The following CSGALNACT1 variants were observed in gnomAD, a reference collection of about 807,000 sequenced individuals.
CSGALNACT1 encodes the protein beta4GalNAcT-1.
CSGALNACT1 carries 52 observed loss-of-function variants against 51.0 expected under a neutral mutation model. The ratio of observed to expected loss-of-function variants is 1.02; its 90% confidence interval spans 0.82 to 1.29. The LOEUF (loss-of-function observed/expected upper bound fraction) is 1.29. CSGALNACT1 is among the 50% of genes most tolerant of loss of function. The probability of loss-of-function intolerance (pLI) is 0.00; values close to 1 mark genes in which losing one functional copy is unlikely to be tolerated. For missense variants in CSGALNACT1, 935 were observed against 679.2 expected, an observed-to-expected ratio of 1.38 and a Z score of -4.19; for synonymous variants, 341 against 254.4, an observed-to-expected ratio of 1.34 and a Z score of -3.24.
chr8:19,621,643 T>C (rs959168802), intron 1 of CSGALNACT1, among the ~76,000 whole-genome samples: 1 of 151,966 alleles, frequency 6.6e-6, no homozygotes, highest in Non-Finnish European at 1.5e-5. Context: ...TAGCCAGGTG[T>C]GGTGGCAAGC....
chr8:19,607,155 A>C (rs1231461994), upstream of CSGALNACT1, among the ~76,000 whole-genome samples: 2 of 109,118 alleles, frequency 1.8e-5, no homozygotes, highest in Non-Finnish European at 3.8e-5. Context: ...ACTCCGTCTC[A>C]AAAAAAAAAA....
At chr8:19,611,466 C>G (rs2052250244) in intron 1 of CSGALNACT1, among the ~76,000 whole-genome samples, 1 of 152,168 alleles carries the variant, frequency 6.6e-6, no homozygotes, top group South Asian at 2.1e-4. Flanking sequence ...ATGGATTATC[C>G]TATTTAATTC....
intron 1 of CSGALNACT1, among the ~76,000 whole-genome samples, chr8:19,659,143 A>G (rs568092555): frequency 9.2e-5 from 14 of 152,154 alleles, no homozygotes; most frequent in African/African-American, 3.1e-4. Flanking sequence ...AGTTTGATGT[A>G]CCATTAGAGG....
chr8:19,485,102 A>G (rs1034067266), intron 4 of CSGALNACT1, among the ~76,000 whole-genome samples: 1 of 152,164 alleles, frequency 6.6e-6, no homozygotes, highest in South Asian at 2.1e-4. Context: ...GTCATATAAT[A>G]CAACCAATGA....
intron 4 of CSGALNACT1, among the ~76,000 whole-genome samples, chr8:19,497,300 G>A (rs1307659681): frequency 2.6e-5 from 4 of 152,162 alleles, no homozygotes; most frequent in Non-Finnish European, 5.9e-5. Context: ...ACAGAGCAGT[G>A]AGTAGACCTC....
chr8:19,501,603 T>C lies in CSGALNACT1; in HGVS notation c.634+3598A>G, dbSNP rs905196998. Among the ~76,000 whole-genome samples the C allele has an allele frequency of 5.3e-5, 8 of 152,128 alleles. No individual in the cohort carries two copies. The East Asian group carries it at 5.8e-4, about 11-fold the overall frequency. On this transcript the variant is annotated intron_variant, in intron 4 of 9. Transcript: ENST00000454498. ...GGCTGGTGACAGAAGAGCAAACCCATGGAAATGGTAGACACAAATGCCTCA... is the reference window on the plus strand; with the variant it reads ...GGCTGGTGACAGAAGAGCAAACCCACGGAAATGGTAGACACAAATGCCTCA...
In CSGALNACT1 at chr8:19,504,603, C is replaced by T. The variant is rs1587415097; in HGVS notation, c.634+598G>A. On this transcript the variant is annotated intron_variant, in intron 4 of 9. Transcript: ENST00000454498. Reference sequence around the variant, plus strand: ...AAAAAAAAGATGAGCCGTCATCTCACTAGTTTCCATGTGCTCTGACAATCT... The same window carrying T: ...AAAAAAAAGATGAGCCGTCATCTCATTAGTTTCCATGTGCTCTGACAATCT... Among the ~76,000 whole-genome samples the T allele has an allele frequency of 1.3e-5, 2 of 152,334 alleles. 1 individual carries two copies. Among genetic ancestry groups the T allele is most frequent in the South Asian group, 4.1e-4 (2 of 4,828 alleles).
intron 4 of CSGALNACT1, among the ~76,000 whole-genome samples, chr8:19,463,724 C>T (rs2066059957): frequency 6.6e-6 from 1 of 152,204 alleles, no homozygotes; most frequent in Non-Finnish European, 1.5e-5. Flanking sequence ...AAACACCCTA[C>T]CTGGCACCTC....
intron 3 of CSGALNACT1, among the ~76,000 whole-genome samples, chr8:19,526,549 C>G (rs1218794781): frequency 6.6e-6 from 1 of 152,050 alleles, no homozygotes; most frequent in East Asian, 1.9e-4. Context: ...TGCCACTGCA[C>G]TCCAGCTTGG....
chr8:19,708,197 A>G (rs911642697), intron 1 of CSGALNACT1, among the ~76,000 whole-genome samples: 1 of 152,190 alleles, frequency 6.6e-6, no homozygotes, highest in Non-Finnish European at 1.5e-5. Context: ...TTATTTTGAC[A>G]TTCTAATGGT....
chr8:19,714,268 C>T (rs1202835722), intron 1 of CSGALNACT1, among the ~76,000 whole-genome samples: 5 of 152,176 alleles, frequency 3.3e-5, no homozygotes, highest in Non-Finnish European at 7.3e-5. Context: ...TTCCTTTCCT[C>T]TGGCTGAATT....
chr8:19,501,735 C>A (rs1443170593), intron 4 of CSGALNACT1, among the ~76,000 whole-genome samples: 1 of 152,216 alleles, frequency 6.6e-6, no homozygotes, highest in Admixed American at 6.5e-5. Context: ...TATTTAAAAA[C>A]AGGAAATCAG....
At chr8:19,405,781 C>G (rs2054015164) in exon 10 of CSGALNACT1, 1 of 1,614,006 alleles carries the variant, frequency 6.2e-7, no homozygotes, top group African/African-American at 1.3e-5. Context: ...TCTGGGAGTT[C>G]ATGTTTTTTT....
intron 3 of CSGALNACT1, among the ~76,000 whole-genome samples, chr8:19,565,703 G>C (rs564068591): frequency 6.6e-6 from 1 of 152,188 alleles, no homozygotes; most frequent in Non-Finnish European, 1.5e-5. Flanking sequence ...TGGATCATCT[G>C]AGGTCAGGTG....
chr8:19,487,761 C>T (rs35301604), intron 4 of CSGALNACT1, among the ~76,000 whole-genome samples: 7,346 of 152,112 alleles, frequency 0.048, 245 homozygotes, highest in Middle Eastern at 0.088. Context: ...CATCCATCTT[C>T]TAATAGGATT....
intron 1 of CSGALNACT1, among the ~76,000 whole-genome samples, chr8:19,694,000 C>G (rs1319010015): frequency 6.6e-6 from 1 of 151,866 alleles, no homozygotes; most frequent in Non-Finnish European, 1.5e-5. Flanking sequence ...TAATGCCATC[C>G]AGGTTCATCC....
intron 1 of CSGALNACT1, among the ~76,000 whole-genome samples, chr8:19,754,191 C>T (rs2065218264): frequency 6.6e-6 from 1 of 152,102 alleles, no homozygotes; most frequent in Admixed American, 6.6e-5. Context: ...CCATGCCCAG[C>T]TAATTTTTGT....
chr8:19,492,219 C>A (rs189879176), intron 4 of CSGALNACT1, among the ~76,000 whole-genome samples: 2 of 152,320 alleles, frequency 1.3e-5, no homozygotes, highest in African/African-American at 4.8e-5. Context: ...CTAAGGTCAA[C>A]AGCACACAGC....
chr8:19,553,311 G>A (rs895944945), intron 3 of CSGALNACT1, among the ~76,000 whole-genome samples: 10 of 151,902 alleles, frequency 6.6e-5, no homozygotes, highest in African/African-American at 2.2e-4. Context: ...TTATTAAATG[G>A]TACCCTAAAG....
Sources: gnomAD v4.1 joint callset for allele counts (sites outside exome capture counted in the v4.1 genomes callset) on GRCh38, gnomAD v4.1.1 for gene constraint, MANE v1.5 for transcripts, NCBI Gene and HGNC (gene_info 2026-07-23, HGNC 2026-07-21) for gene names.